SNRK: variants seen among roughly 807,000 people sequenced by gnomAD.
SNRK encodes the protein SNF related kinase.
In SNRK, 3 loss-of-function variants were observed where a neutral mutation model predicts 48.2. The observed-to-expected ratio is 0.06, with a 90% CI of 0.03 to 0.16. The LOEUF (loss-of-function observed/expected upper bound fraction) is 0.16. SNRK is among the 10% of genes least tolerant of loss of function. SNRK has a pLI of 1.00. For missense variants in SNRK, 627 were observed against 976.0 expected, an observed-to-expected ratio of 0.64 and a Z score of 4.76; for synonymous variants, 376 against 366.1, an observed-to-expected ratio of 1.03 and a Z score of -0.31.
chr3:43,295,024 C>CAT (rs1195945504), intron 1 of SNRK, among the ~76,000 whole-genome samples: 1 of 152,080 alleles, frequency 6.6e-6, no homozygotes, highest in Non-Finnish European at 1.5e-5. Flanking sequence ...GAGTTGTCAC[C>CAT]ATACTAATTT....
At chr3:43,301,255 G>A (rs1483047746) in intron 2 of SNRK, among the ~76,000 whole-genome samples, 1 of 152,178 alleles carries the variant, frequency 6.6e-6, no homozygotes, top group Non-Finnish European at 1.5e-5. Flanking sequence ...GATCATTTCT[G>A]AAGTGGTATA....
At chr3:43,327,989 TATTAA>T (rs1170544066) in intron 3 of SNRK, among the ~76,000 whole-genome samples, 21 of 152,112 alleles carry the variant, frequency 1.4e-4, no homozygotes, top group Non-Finnish European at 1.5e-4. Context: ...CAATTACATT[TATTAA>T]ATATTTCCTT....
At chr3:43,331,207 T>G (rs989086007) in intron 3 of SNRK, among the ~76,000 whole-genome samples, 1 of 152,244 alleles carries the variant, frequency 6.6e-6, no homozygotes, top group Non-Finnish European at 1.5e-5. Flanking sequence ...AATGTTTATA[T>G]TATCATGCCT....
chr3:43,307,854 C>T lies in SNRK; in HGVS notation c.589+4062C>T, dbSNP rs1417359845. ...AAATGCTGGAAATGATTAAGCTTATCGAGCAAGACATAGTGAGGCAAGATA... is the reference window on the plus strand; with the variant it reads ...AAATGCTGGAAATGATTAAGCTTATTGAGCAAGACATAGTGAGGCAAGATA... On this transcript the variant is annotated intron_variant, in intron 3 of 6. Coordinates refer to ENST00000296088, the MANE Select transcript of SNRK (RefSeq NM_017719.5). Among the ~76,000 whole-genome samples, 4 of 152,162 alleles carry T rather than the reference C, an allele frequency of 2.6e-5. No individual in the cohort carries two copies. The East Asian group carries it at 5.8e-4, about 22-fold the overall frequency.
At chr3:43,294,123 G>T (rs1433781774) in intron 1 of SNRK, among the ~76,000 whole-genome samples, 1 of 152,060 alleles carries the variant, frequency 6.6e-6, no homozygotes, top group African/African-American at 2.4e-5. Context: ...TCTTTTGCAT[G>T]TATAAATATC....
At chr3:43,300,777 A>G (rs1057092568) in intron 2 of SNRK, among the ~76,000 whole-genome samples, 2 of 152,210 alleles carry the variant, frequency 1.3e-5, no homozygotes, top group Non-Finnish European at 2.9e-5. Context: ...TATGGAAGAA[A>G]TTTGCTTCCC....
intron 4 of SNRK, among the ~76,000 whole-genome samples, chr3:43,335,462 T>C (rs1159008837): frequency 2.0e-5 from 3 of 152,234 alleles, no homozygotes; most frequent in Non-Finnish European, 2.9e-5. Context: ...GTGTTGTTTT[T>C]GTTTTTTTGT....
At chr3:43,325,507 A>G (rs1186788345) in intron 3 of SNRK, among the ~76,000 whole-genome samples, 1 of 152,136 alleles carries the variant, frequency 6.6e-6, no homozygotes, top group Non-Finnish European at 1.5e-5. Flanking sequence ...AAACATCAAA[A>G]TACTCCACTA....
chr3:43,334,853 A>G (rs1426614401), intron 4 of SNRK, among the ~76,000 whole-genome samples: 2 of 152,140 alleles, frequency 1.3e-5, no homozygotes, highest in Admixed American at 6.5e-5. Context: ...CGGCCTCCCA[A>G]AGTGCTGGGA....
Position 43,303,686 on chromosome 3 carries a change from C to T in SNRK, c.483C>T (p.Phe161=), listed in dbSNP as rs917987301. The T allele has an allele frequency of 5.0e-6, 8 of 1,613,908 alleles. No homozygotes were observed. The highest frequency in any genetic ancestry group is 6.8e-6 in the Non-Finnish European group (8 of 1,180,016). ...QGLVKLTDFG[F]SNKFQPGKKL... is the part of the protein sequence containing the mutation. ...TTGTAAAGTTGACAGACTTTGGGTTCAGCAACAAATTTCAACCAGGGAAGA... is the reference window on the plus strand; with the variant it reads ...TTGTAAAGTTGACAGACTTTGGGTTTAGCAACAAATTTCAACCAGGGAAGA... The change falls in exon 3 of 7, where the codon TTC becomes TTT. Residue 161 remains phenylalanine (F), a synonymous_variant. Coordinates refer to ENST00000296088, the MANE Select transcript of SNRK (RefSeq NM_017719.5). This position sits in a 1 kb window ranked among gnomAD's most constrained non-coding sequence, Gnocchi z 6.2.
At chr3:43,317,649 C>G (rs1048877526) in intron 3 of SNRK, among the ~76,000 whole-genome samples, 4 of 152,188 alleles carry the variant, frequency 2.6e-5, no homozygotes, top group South Asian at 2.1e-4. Flanking sequence ...TCGGCTCCAG[C>G]CACGCTGCCT....
intron 3 of SNRK, among the ~76,000 whole-genome samples, chr3:43,317,317 T>C (rs1292740948): frequency 6.6e-6 from 1 of 152,146 alleles, no homozygotes; most frequent in Non-Finnish European, 1.5e-5. Flanking sequence ...TGTGGAAAGT[T>C]CCAGATGAGA....
chr3:43,302,931 A>T (rs2090909195), intron 2 of SNRK, among the ~76,000 whole-genome samples, 167 bp from the exon 3 acceptor site: 1 of 152,128 alleles, frequency 6.6e-6, no homozygotes, highest in Non-Finnish European at 1.5e-5. Context: ...TGTAATATAA[A>T]GTCTAAATGT....
chr3:43,333,082 T>C (rs2091158946), intron 4 of SNRK: 1 of 152,166 alleles, frequency 6.6e-6, no homozygotes, highest in African/African-American at 2.4e-5. Context: ...GGACTTTTTT[T>C]CTCTAAATGA....
rs571762455 is a variant in SNRK at position 43,301,089 on chromosome 3, G to A, written c.-107+1274G>A. On this transcript the variant is annotated intron_variant, in intron 2 of 6. Transcript: ENST00000296088. ...ATGTGAAGTATTTGGTATGTGACTG[G>A]TGTGTAATACTCATTCAGTAAATGG... 8.5e-5 allele frequency among the ~76,000 whole-genome samples: 13 copies of A among 152,358 alleles called. No individual in the cohort carries two copies. In the South Asian group the frequency reaches 2.7e-3, roughly 32 times the overall value.
At chr3:43,335,743 AT>A (rs1285064066) in intron 4 of SNRK, among the ~76,000 whole-genome samples, 2 of 152,056 alleles carry the variant, frequency 1.3e-5, no homozygotes, top group African/African-American at 4.8e-5. Flanking sequence ...AGGTAATGTT[AT>A]TAGGTGCAAA....
chr3:43,314,374 G>T (rs959573056), intron 3 of SNRK, among the ~76,000 whole-genome samples: 1 of 152,088 alleles, frequency 6.6e-6, no homozygotes, highest in East Asian at 1.9e-4. Context: ...GAATTGCCTT[G>T]TCTTGTGAAA....
At chr3:43,299,947 T>C (rs1362753142) in intron 2 of SNRK, 132 bp downstream of exon 2, 1 of 152,452 alleles carries the variant, frequency 6.6e-6, no homozygotes, top group Admixed American at 6.5e-5. Flanking sequence ...TTTAGTTACT[T>C]TGTACTCTAA....
intron 3 of SNRK, among the ~76,000 whole-genome samples, chr3:43,325,721 A>G (rs903988531): frequency 1.3e-5 from 2 of 152,126 alleles, no homozygotes; most frequent in Admixed American, 6.5e-5. Context: ...ATTTGTCATA[A>G]TCTTGTGGGA....
Sources: gnomAD v4.1 joint callset for allele counts (sites outside exome capture counted in the v4.1 genomes callset) on GRCh38, gnomAD v4.1.1 for gene constraint, Gnocchi (gnomAD v3.1) non-coding constraint, MANE v1.5 for transcripts, NCBI Gene and HGNC (gene_info 2026-07-23, HGNC 2026-07-21) for gene names.